Variants in ADAM20 observed in about 807,000 individuals in gnomAD.
ADAM20 encodes ADAM metallopeptidase domain 20.
For synonymous variants in ADAM20, 305 were observed against 310.2 expected (o/e 0.98, Z 0.18); for missense variants, 871 against 883.2 (o/e 0.99, Z 0.18).
the ADAM20 span, among the ~76,000 whole-genome samples, chr14:70,575,195 AAT>A: frequency 6.0e-5 from 9 of 149,990 alleles, no homozygotes; most frequent in African/African-American, 2.0e-4. Flanking sequence ...ATAAAATATA[AAT>A]ATATATATAT....
chr14:70,578,203 A>G, the ADAM20 span, among the ~76,000 whole-genome samples: 1 of 152,150 alleles, frequency 6.6e-6, no homozygotes, highest in Non-Finnish European at 1.5e-5. Flanking sequence ...CATTTTTTAA[A>G]ATGATCTTTG....
Position 70,524,991 on chromosome 14 carries a change from A to G in ADAM20, c.-176-58T>C, listed in dbSNP as rs1168764872. ...AAAGGGAGAAAGAGAGAGAGAAAAA[A>G]GGCAAAGTGATTCCTGCATTTGGAC... is the stretch of plus-strand genomic sequence containing the variant. On this transcript the variant is annotated intron_variant, in intron 1 of 1. Transcript: ENST00000256389. 4 of 1,406,102 alleles carry G rather than the reference A, an allele frequency of 2.8e-6. No individual in the cohort carries two copies. In the East Asian group the frequency reaches 9.2e-5, roughly 32 times the overall value. 87.1% of individuals were successfully genotyped at this position (1,406,102 alleles called of 1,614,324 possible). A position where few individuals can be genotyped will look rare whatever the true frequency, so the allele number is the denominator to read the frequency against.
At chr14:70,566,265 C>A in the ADAM20 span, among the ~76,000 whole-genome samples, 64 of 152,172 alleles carry the variant, frequency 4.2e-4, no homozygotes, top group African/African-American at 1.5e-3. Context: ...AATGGATACA[C>A]AATTTAAGAT....
At chr14:70,529,720 T>G (rs576769512) in intron 1 of ADAM20, among the ~76,000 whole-genome samples, 2 of 152,302 alleles carry the variant, frequency 1.3e-5, no homozygotes, top group South Asian at 4.1e-4. Context: ...GTATGGAGCT[T>G]GCAGAACTAG....
the ADAM20 span, among the ~76,000 whole-genome samples, chr14:70,573,135 T>C: frequency 6.6e-6 from 1 of 152,294 alleles, no homozygotes. Context: ...TGTGCACTTG[T>C]ATGTTTATCA....
At chr14:70,529,813 T>C (rs1003901018) in intron 1 of ADAM20, among the ~76,000 whole-genome samples, 1 of 152,238 alleles carries the variant, frequency 6.6e-6, no homozygotes, top group African/African-American at 2.4e-5. Context: ...GTAAACTTTA[T>C]AAACACTGTG....
chr14:70,522,983 C>A lies in ADAM20; in HGVS notation c.1775G>T (p.Trp592Leu). The A allele has an allele frequency of 6.2e-7, 1 of 1,614,054 alleles. No individual in the cohort carries two copies. Among genetic ancestry groups the A allele is most frequent in the Non-Finnish European group, 8.5e-7 (1 of 1,179,966 alleles). ...CATCCCTAAATGATAATCAGTGCCCCAGCAAGTGGTGTCATTGAGGTGAAA... is the reference window on the plus strand; with the variant it reads ...CATCCCTAAATGATAATCAGTGCCCAAGCAAGTGGTGTCATTGAGGTGAAA... ...QQFHLNDTTC[W>L]GTDYHLGMAI... The change falls in exon 2 of 2, where the codon TGG becomes TTG. Residue 592 changes from tryptophan (W) to leucine (L), a missense_variant. Physicochemically the swap from Trp to Leu is moderately conservative, Grantham distance 61. Transcript: ENST00000256389.
rs148102371 is a variant in ADAM20 at position 70,522,676 on chromosome 14, C to G, written c.2082G>C (p.Leu694=). ...GLNVMGKLRY[L]SLLCLLPLVA... ...CCAAAGGAAGAAGGCACAATAGTGA[C>G]AGGTAACGCAACTTTCCCATCACAT... Residue 694 remains leucine (L), a synonymous_variant, in exon 2 of 2, where the codon CTG becomes CTC. Transcript: ENST00000256389. 6.3e-5 allele frequency: 101 copies of G among 1,613,970 alleles called. No homozygotes were observed. In the African/African-American group the frequency reaches 7.3e-4, roughly 12 times the overall value.
intron 1 of ADAM20, among the ~76,000 whole-genome samples, chr14:70,526,469 T>C (rs1386337798): frequency 6.6e-6 from 1 of 152,170 alleles, no homozygotes; most frequent in Non-Finnish European, 1.5e-5. Context: ...TCCATAGCTC[T>C]CCTCATAATA....
At chr14:70,547,010 G>A in the ADAM20 span, among the ~76,000 whole-genome samples, 1 of 152,014 alleles carries the variant, frequency 6.6e-6, no homozygotes, top group African/African-American at 2.4e-5. Flanking sequence ...GATGAAAAAG[G>A]AGACATCACA....
chr14:70,535,377 T>C (rs561431841), upstream of ADAM20, among the ~76,000 whole-genome samples: 52 of 152,262 alleles, frequency 3.4e-4, no homozygotes, highest in Non-Finnish European at 5.9e-4. Context: ...GTTGAATACA[T>C]AGATACGTCA....
the ADAM20 span, among the ~76,000 whole-genome samples, chr14:70,564,390 AG>A: frequency 2.0e-5 from 3 of 152,242 alleles, no homozygotes; most frequent in Non-Finnish European, 4.4e-5. Flanking sequence ...TGGACCAGCC[AG>A]GAACAAGAGA....
upstream of ADAM20, among the ~76,000 whole-genome samples, chr14:70,539,062 G>A (rs930430626): frequency 2.0e-5 from 3 of 152,012 alleles, no homozygotes; most frequent in African/African-American, 7.3e-5. Flanking sequence ...ACAATGCCAG[G>A]TTGGACTGCC....
chr14:70,534,126 G>T (rs1436705791), intron 1 of ADAM20, among the ~76,000 whole-genome samples: 1 of 126,942 alleles, frequency 7.9e-6, no homozygotes, highest in Admixed American at 8.4e-5. Flanking sequence ...ACACACACAC[G>T]CACACAAAAA....
At chr14:70,569,423 G>A in the ADAM20 span, among the ~76,000 whole-genome samples, 3 of 152,150 alleles carry the variant, frequency 2.0e-5, no homozygotes, top group Admixed American at 6.5e-5. Flanking sequence ...CTCACATATC[G>A]ATATTAGTCT....
At chr14:70,553,610 T>C in the ADAM20 span, among the ~76,000 whole-genome samples, 1 of 149,496 alleles carries the variant, frequency 6.7e-6, no homozygotes, top group Non-Finnish European at 1.5e-5. Flanking sequence ...GCAGGATTTA[T>C]CACTGGGATG....
chr14:70,569,025 A>G, the ADAM20 span, among the ~76,000 whole-genome samples: 1 of 152,176 alleles, frequency 6.6e-6, no homozygotes, highest in Non-Finnish European at 1.5e-5. Context: ...AGGTAGCTAG[A>G]GAAAAGGCCC....
In ADAM20 at chr14:70,524,415, C is replaced by T; in HGVS notation, c.343G>A (p.Val115Met). The change falls in exon 2 of 2, where the codon GTG becomes ATG. Residue 115 changes from valine to methionine, a missense_variant. Val to Met is a conservative substitution (Grantham distance 21). Transcript: ENST00000256389. ...ACCAAGGACTCAGGGACCCCCTCCACATAACCATGGTAGTAGCAGTCATCC... is the reference window on the plus strand; with the variant it reads ...ACCAAGGACTCAGGGACCCCCTCCATATAACCATGGTAGTAGCAGTCATCC... The part of the protein sequence containing the change: ...IQDDCYYHGY[V>M]EGVPESLVAL... 1 of 1,614,020 alleles carries T rather than the reference C, an allele frequency of 6.2e-7. No homozygotes were observed. The highest frequency in any genetic ancestry group is 8.5e-7 in the Non-Finnish European group (1 of 1,179,922).
chr14:70,528,379 A>G (rs2139535672), intron 1 of ADAM20, among the ~76,000 whole-genome samples: 1 of 152,368 alleles, frequency 6.6e-6, no homozygotes, highest in Non-Finnish European at 1.5e-5. Context: ...AAGTGAATAG[A>G]TAAGGATCAC....
Sources: gnomAD v4.1 joint callset for allele counts (sites outside exome capture counted in the v4.1 genomes callset) on GRCh38, gnomAD v4.1.1 for gene constraint, MANE v1.5 for transcripts, NCBI Gene and HGNC (gene_info 2026-07-23, HGNC 2026-07-21) for gene names.